NCKAP5: variants seen among roughly 807,000 people sequenced by gnomAD.
The protein encoded by NCKAP5 is NCK associated protein 5, also known as nck-associated protein 5.
Under a neutral mutation model 167.0 loss-of-function variants are expected in NCKAP5, and 92 were observed. The observed-to-expected ratio is 0.55, with a 90% CI of 0.47 to 0.66. The LOEUF is 0.66. Ranked by LOEUF, NCKAP5 falls within the 30% of genes least tolerant of loss-of-function variation. The pLI is 0.00. For synonymous variants in NCKAP5, 891 were observed against 877.4 expected, an observed-to-expected ratio of 1.02 and a Z score of -0.27; for missense variants, 2,378 against 2,315.0, an observed-to-expected ratio of 1.03 and a Z score of -0.56.
intron 8 of NCKAP5, among the ~76,000 whole-genome samples, chr2:132,889,336 G>C (rs919732489): frequency 6.6e-6 from 1 of 152,104 alleles, no homozygotes; most frequent in African/African-American, 2.4e-5. Flanking sequence ...TAAATAAGTG[G>C]AACAGTCATA....
chr2:132,738,185 C>T (rs1163348589), intron 16 of NCKAP5, among the ~76,000 whole-genome samples: 1 of 152,128 alleles, frequency 6.6e-6, no homozygotes, highest in Non-Finnish European at 1.5e-5. Flanking sequence ...ATTTAGATGG[C>T]CACAGAGATA....
chr2:133,281,215 A>G (rs905316806), intron 4 of NCKAP5, among the ~76,000 whole-genome samples: 3 of 152,240 alleles, frequency 2.0e-5, no homozygotes, highest in Non-Finnish European at 4.4e-5. Context: ...TTATTTCTAG[A>G]TAATTAAAAT....
the NCKAP5 span, among the ~76,000 whole-genome samples, chr2:133,621,230 A>G: frequency 6.6e-6 from 1 of 152,152 alleles, no homozygotes; most frequent in South Asian, 2.1e-4. Flanking sequence ...AACAAGTACA[A>G]TCCAAACCCA....
At chr2:133,647,713 A>AAGGAAGGAAGGAAGGAAGGAAGG in the NCKAP5 span, among the ~76,000 whole-genome samples, 5 of 85,762 alleles carry the variant, frequency 5.8e-5, no homozygotes, top group African/African-American at 1.9e-4. Context: ...AAAGAAAAAG[A>AAGGAAGGAAGGAAGGAAGGAAGG]AAGGAAGGAA....
At chr2:133,653,470 T>C in the NCKAP5 span, among the ~76,000 whole-genome samples, 1 of 152,342 alleles carries the variant, frequency 6.6e-6, no homozygotes, top group Non-Finnish European at 1.5e-5. Context: ...AGATACTTGT[T>C]AACCCATCAC....
At chr2:133,533,287 T>TTG (rs1215640100) in intron 2 of NCKAP5, among the ~76,000 whole-genome samples, 6 of 152,232 alleles carry the variant, frequency 3.9e-5, no homozygotes, top group African/African-American at 1.4e-4. Context: ...AAGGTTCACT[T>TTG]TACCAAACTC....
chr2:133,383,409 A>C (rs1020035383), intron 3 of NCKAP5, among the ~76,000 whole-genome samples: 2 of 151,978 alleles, frequency 1.3e-5, no homozygotes, highest in Non-Finnish European at 2.9e-5. Context: ...CCTTTTTATG[A>C]CTGCATAGTA....
intron 8 of NCKAP5, among the ~76,000 whole-genome samples, chr2:132,934,951 C>A (rs1574687118): frequency 6.6e-6 from 1 of 152,162 alleles, no homozygotes; most frequent in Non-Finnish European, 1.5e-5. Flanking sequence ...TTTGTCTTAT[C>A]TAATTAAGGT....
intron 5 of NCKAP5, among the ~76,000 whole-genome samples, chr2:133,157,381 G>C (rs2149917400): frequency 6.6e-6 from 1 of 152,310 alleles, no homozygotes; most frequent in East Asian, 1.9e-4. Flanking sequence ...TACTTACTGT[G>C]TTCCTACCAG....
At chr2:133,603,229 T>TTTC in the NCKAP5 span, among the ~76,000 whole-genome samples, 8 of 22,230 alleles carry the variant, frequency 3.6e-4, no homozygotes, top group African/African-American at 4.5e-3. Flanking sequence ...TTTTTCTTTC[T>TTTC]TTTTTTTTTT....
intron 8 of NCKAP5, among the ~76,000 whole-genome samples, chr2:132,959,061 A>AAATATATTAAT (rs1362095934): frequency 6.8e-6 from 1 of 146,888 alleles, no homozygotes; most frequent in Admixed American, 6.8e-5. Context: ...ATTTATATAT[A>AAATATATTAAT]AATATATTAA....
intron 8 of NCKAP5, among the ~76,000 whole-genome samples, chr2:132,958,553 T>C (rs1302909613): frequency 6.6e-6 from 1 of 152,230 alleles, no homozygotes; most frequent in Non-Finnish European, 1.5e-5. Context: ...ATTGTGACCA[T>C]GGCCTATATG....
rs1280642362 is a variant in NCKAP5, at chr2:132,702,514, AAC to A, written c.5713+23111_5713+23112del. Among the ~76,000 whole-genome samples, 13 of 152,150 alleles carry A rather than the reference AAC, an allele frequency of 8.5e-5. No homozygotes were observed. In the East Asian group the frequency reaches 2.5e-3, roughly 29 times the overall value. On this transcript the variant is annotated intron_variant, in intron 19 of 19. Coordinates refer to ENST00000409261, the MANE Select transcript of NCKAP5 (RefSeq NM_207363.3). The stretch of plus-strand genomic sequence containing the variant: ...TCTGGACTTGGAGACTGGAGTTCCC[AAC>A]ATTGAGGGACTTATTGTATGTTTAA...
the NCKAP5 span, among the ~76,000 whole-genome samples, chr2:133,671,468 T>C: frequency 1.4e-4 from 21 of 151,984 alleles, 2 homozygotes; most frequent in Admixed American, 1.4e-3. Context: ...CATGGATTAG[T>C]GGGTTAATTG....
chr2:132,940,331 C>CA (rs1558967663), intron 8 of NCKAP5, among the ~76,000 whole-genome samples: 1 of 152,260 alleles, frequency 6.6e-6, no homozygotes, highest in East Asian at 1.9e-4. Flanking sequence ...GTCCTCAAGA[C>CA]AGAGTCCATT....
At chr2:133,110,129 T>C (rs1205600110) in intron 6 of NCKAP5, among the ~76,000 whole-genome samples, 2 of 152,216 alleles carry the variant, frequency 1.3e-5, no homozygotes, top group Non-Finnish European at 2.9e-5. Context: ...GTCTAATACA[T>C]GCTTAAATGT....
chr2:132,981,536 C>G (rs2077142065), intron 7 of NCKAP5, among the ~76,000 whole-genome samples: 1 of 152,128 alleles, frequency 6.6e-6, no homozygotes, highest in Admixed American at 6.5e-5. Flanking sequence ...TTCTGTATCC[C>G]TATGCTAATT....
intron 2 of NCKAP5, among the ~76,000 whole-genome samples, chr2:133,530,420 C>T (rs967493000): frequency 6.6e-6 from 1 of 152,138 alleles, no homozygotes; most frequent in African/African-American, 2.4e-5. Context: ...TCTTCCATAT[C>T]AACTTGAGAA....
At chr2:133,572,105 C>T (rs1688888835), upstream of NCKAP5, among the ~76,000 whole-genome samples, 1 of 152,166 alleles carries the variant, frequency 6.6e-6, no homozygotes, top group African/African-American at 2.4e-5. Flanking sequence ...AATGTGATTA[C>T]ACAAAGAGTC....
Sources: allele counts gnomAD v4.1 joint callset (sites outside exome capture counted in the v4.1 genomes callset), GRCh38; gene constraint gnomAD v4.1.1; transcripts MANE v1.5; gene names NCBI Gene and HGNC (gene_info 2026-07-23, HGNC 2026-07-21).